The following CMTM6 variants were observed in gnomAD, a reference collection of about 807,000 sequenced individuals.
CMTM6 encodes the protein CKLF-like MARVEL transmembrane domain-containing protein 6.
In CMTM6, 5 loss-of-function variants were observed where a neutral mutation model predicts 13.6. The observed-to-expected ratio is 0.37, with a 90% confidence interval of 0.19 to 0.77. The LOEUF is 0.77. Among genes scored for constraint, CMTM6 ranks in the 30% least tolerant of loss-of-function variants. CMTM6 has a pLI of 0.50. For missense variants in CMTM6, 196 were observed against 218.6 expected (o/e 0.90, Z 0.65); for synonymous variants, 99 against 84.5 (o/e 1.17, Z -0.94).
intron 2 of CMTM6, 94 bp downstream of exon 2, chr3:32,491,616 G>A (rs184699138): frequency 2.7e-6 from 3 of 1,107,862 alleles, no homozygotes; most frequent in East Asian, 2.5e-5. Context: ...TTTTCATGTT[G>A]CTGAGTTTTG....
intron 3 of CMTM6, among the ~76,000 whole-genome samples, chr3:32,486,705 T>C (rs889778512): frequency 2.6e-5 from 4 of 152,206 alleles, no homozygotes; most frequent in African/African-American, 9.7e-5. Flanking sequence ...TGATATGGCT[T>C]GGGTTTGTGT....
chr3:32,484,447 T>C (rs762968786), intron 3 of CMTM6, among the ~76,000 whole-genome samples: 11 of 152,214 alleles, frequency 7.2e-5, no homozygotes, highest in Non-Finnish European at 1.5e-4. Context: ...CATGGTTAGA[T>C]TGACCCACAG....
chr3:32,488,122 C>T (rs1697220890), intron 2 of CMTM6, 86 bp from the exon 3 acceptor site: 1 of 940,662 alleles, frequency 1.1e-6, no homozygotes, highest in African/African-American at 1.7e-5. Flanking sequence ...TTAAAAAGCT[C>T]TGGCTACTTA....
chr3:32,488,124 G>T, intron 2 of CMTM6, 88 bp from the exon 3 acceptor site: 1 of 918,432 alleles, frequency 1.1e-6, no homozygotes, highest in South Asian at 1.7e-5. Flanking sequence ...AAAAAGCTCT[G>T]GCTACTTACT....
chr3:32,493,944 G>A (rs940913089), intron 1 of CMTM6, among the ~76,000 whole-genome samples: 1 of 152,154 alleles, frequency 6.6e-6, no homozygotes, highest in Non-Finnish European at 1.5e-5. Flanking sequence ...GGAGGGTAAG[G>A]CAGTGAAGGA....
intron 1 of CMTM6, among the ~76,000 whole-genome samples, chr3:32,500,930 T>C (rs1207179443): frequency 6.6e-6 from 1 of 151,916 alleles, no homozygotes. Context: ...CGCAGTGGCT[T>C]ACGCCTGTAA....
At chr3:32,484,381 T>C (rs539146852) in intron 3 of CMTM6, among the ~76,000 whole-genome samples, 1 of 152,176 alleles carries the variant, frequency 6.6e-6, no homozygotes, top group Non-Finnish European at 1.5e-5. Context: ...TATATGAAAG[T>C]AGGGTTAACA....
chr3:32,497,340 G>A (rs1262571315), intron 1 of CMTM6, among the ~76,000 whole-genome samples: 3 of 141,546 alleles, frequency 2.1e-5, no homozygotes, highest in African/African-American at 5.3e-5. Flanking sequence ...AGCCGAGATC[G>A]CACCACTGCA....
chr3:32,490,067 G>A (rs1303273428), intron 2 of CMTM6, among the ~76,000 whole-genome samples: 4 of 152,096 alleles, frequency 2.6e-5, no homozygotes, highest in East Asian at 1.9e-4. Flanking sequence ...CCAATATGGC[G>A]AAACCCCATC....
At chr3:32,488,575 T>C (rs548418214) in intron 2 of CMTM6, among the ~76,000 whole-genome samples, 1 of 152,348 alleles carries the variant, frequency 6.6e-6, no homozygotes, top group African/African-American at 2.4e-5. Context: ...TCCAATGCTT[T>C]GAAAGCACTT....
intron 3 of CMTM6, among the ~76,000 whole-genome samples, chr3:32,486,049 T>C (rs1697200969): frequency 6.6e-6 from 1 of 152,164 alleles, no homozygotes; most frequent in Non-Finnish European, 1.5e-5. Flanking sequence ...GGCTAAGTTT[T>C]GTATTTTTAG....
intron 2 of CMTM6, among the ~76,000 whole-genome samples, chr3:32,489,323 T>G (rs1697231456): frequency 6.6e-6 from 1 of 151,056 alleles, no homozygotes; most frequent in African/African-American, 2.4e-5. Flanking sequence ...ATTCCTAAAT[T>G]GTCAATCATT....
At position 32,484,155 on chromosome 3, in the gene CMTM6, C is replaced by T. The variant is rs1230816670; in HGVS notation, c.415-58G>A. 6.0e-6 allele frequency: 8 copies of T among 1,332,756 alleles called. No homozygotes were observed. The African/African-American group carries it at 9.0e-5, about 15-fold the overall frequency. The allele number at this position is 1,332,756 out of a possible 1,614,324, so 82.6% of individuals were successfully genotyped here. A position where few individuals can be genotyped will look rare whatever the true frequency, so the allele number is the denominator to read the frequency against. On this transcript the variant is annotated intron_variant, in intron 3 of 3. Transcript: ENST00000205636. ...AATTTTGGAATATAATCTTACATTT[C>T]CTACTTGGCTTGGAGAATGTTTCAT...
chr3:32,493,411 A>G (rs1225900010), intron 1 of CMTM6, among the ~76,000 whole-genome samples: 1 of 152,224 alleles, frequency 6.6e-6, no homozygotes, highest in African/African-American at 2.4e-5. Flanking sequence ...AAAAAGAGTC[A>G]GGTTTTTTTC....
chr3:32,496,941 G>A lies in CMTM6; in HGVS notation c.139-5055C>T, dbSNP rs950182718. 3.3e-5 allele frequency among the ~76,000 whole-genome samples: 5 copies of A among 152,158 alleles called. No individual in the cohort carries two copies. The East Asian group carries it at 5.8e-4, about 18-fold the overall frequency. ...GAATATGGATGTTTAGATGAAGGCA[G>A]GAGGGAACACCTGTCTGGTTTAGTA... On this transcript the variant is annotated intron_variant, in intron 1 of 3. Coordinates refer to ENST00000205636, the MANE Select transcript of CMTM6 (RefSeq NM_017801.3).
intron 1 of CMTM6, among the ~76,000 whole-genome samples, chr3:32,500,139 C>A (rs1697332473): frequency 6.6e-6 from 1 of 152,136 alleles, no homozygotes; most frequent in Admixed American, 6.5e-5. Context: ...GTTTGCAGGT[C>A]CCTTGTTAAA....
intron 1 of CMTM6, among the ~76,000 whole-genome samples, chr3:32,497,631 G>A (rs996711950): frequency 5.9e-5 from 9 of 151,442 alleles, no homozygotes; most frequent in Non-Finnish European, 1.0e-4. Flanking sequence ...AGGCCAAGGC[G>A]GGTGGATCAC....
intron 2 of CMTM6, among the ~76,000 whole-genome samples, chr3:32,489,831 A>G (rs1481618353): frequency 6.6e-6 from 1 of 152,150 alleles, no homozygotes; most frequent in Non-Finnish European, 1.5e-5. Flanking sequence ...TTTAGACCAT[A>G]ATGTAGTGTT....
At position 32,481,995 on chromosome 3, in the gene CMTM6, G is replaced by C. The variant is rs1454995360; in HGVS notation, c.*1965C>G. 6.6e-6 allele frequency: 1 copy of C among 152,338 alleles called. No individual in the cohort carries two copies. The highest frequency in any genetic ancestry group is 2.1e-4 in the South Asian group (1 of 4,824). The allele number at this position is 152,338 out of a possible 1,614,324, so 9.4% of individuals were successfully genotyped here. A position where few individuals can be genotyped will look rare whatever the true frequency, so the allele number is the denominator to read the frequency against. On this transcript the variant is annotated 3_prime_UTR_variant, in exon 4 of 4. Transcript: ENST00000205636. ...TGGGTGGTGACCCTGAGGTAGCCCA[G>C]ATGATATGCTCTGAATTTTAGATAG...
Sources: gnomAD v4.1 joint callset for allele counts (sites outside exome capture counted in the v4.1 genomes callset) on GRCh38, gnomAD v4.1.1 for gene constraint, MANE v1.5 for transcripts, NCBI Gene and HGNC (gene_info 2026-07-23, HGNC 2026-07-21) for gene names.